The following MECOM variants were observed in gnomAD, a reference collection of about 807,000 sequenced individuals.
MECOM encodes the protein histone-lysine N-methyltransferase MECOM.
In MECOM, 13 loss-of-function variants were observed where a neutral mutation model predicts 116.3. The observed-to-expected ratio is 0.11, with a 90% CI of 0.07 to 0.18. The LOEUF (loss-of-function observed/expected upper bound fraction) is 0.18, where lower values mean the gene tolerates loss of function less well. Among genes scored for constraint, MECOM ranks in the 10% least tolerant of loss-of-function variants. MECOM has a pLI of 1.00. For synonymous variants in MECOM, 528 were observed against 535.2 expected (o/e 0.99, Z 0.19); for missense variants, 1,299 against 1,509.0 (o/e 0.86, Z 2.31).
At chr3:169,557,365 C>T (rs942530595) in intron 1 of MECOM, among the ~76,000 whole-genome samples, 1 of 152,154 alleles carries the variant, frequency 6.6e-6, no homozygotes, top group Non-Finnish European at 1.5e-5. Context: ...CACCACCCCA[C>T]CCTCATAGTT....
chr3:169,632,102 C>T (rs1408552187), intron 1 of MECOM, among the ~76,000 whole-genome samples: 6 of 152,086 alleles, frequency 3.9e-5, no homozygotes, highest in Non-Finnish European at 7.3e-5. Context: ...ACAGATCCAG[C>T]TTGAACTGAG....
intron 1 of MECOM, among the ~76,000 whole-genome samples, chr3:169,412,008 G>A (rs1000970841): frequency 1.3e-5 from 2 of 151,734 alleles, no homozygotes; most frequent in Non-Finnish European, 2.9e-5. Context: ...AAATAAGGCT[G>A]GGCACGGTGG....
At chr3:169,117,885 C>G (rs1037412221) in intron 7 of MECOM, among the ~76,000 whole-genome samples, 1 of 146,954 alleles carries the variant, frequency 6.8e-6, no homozygotes. Context: ...TTTTATTTTA[C>G]TTTACGGGAT....
intron 1 of MECOM, among the ~76,000 whole-genome samples, chr3:169,544,340 C>T (rs1366472767): frequency 2.0e-5 from 3 of 152,154 alleles, no homozygotes; most frequent in African/African-American, 7.2e-5. Context: ...GTCAGACTTT[C>T]ATTTATAGAA....
intron 1 of MECOM, among the ~76,000 whole-genome samples, chr3:169,602,280 G>A (rs969240980): frequency 4.6e-5 from 7 of 152,200 alleles, no homozygotes; most frequent in Non-Finnish European, 1.0e-4. Context: ...CTATTCGTCA[G>A]CTAGCAAATG....
chr3:169,323,164 T>A (rs16853509), intron 2 of MECOM, among the ~76,000 whole-genome samples: 7,855 of 152,150 alleles, frequency 0.052, 689 homozygotes, highest in African/African-American at 0.18. Flanking sequence ...CTCACACATA[T>A]GCTTCACAAC....
chr3:169,160,162 A>G (rs1199551264), intron 2 of MECOM, among the ~76,000 whole-genome samples: 1 of 152,174 alleles, frequency 6.6e-6, no homozygotes, highest in African/African-American at 2.4e-5. Context: ...AGAAACAGAG[A>G]TGGAAACATA....
intron 1 of MECOM, among the ~76,000 whole-genome samples, chr3:169,555,051 G>C (rs1282363140): frequency 6.6e-6 from 1 of 152,186 alleles, no homozygotes; most frequent in Non-Finnish European, 1.5e-5. Context: ...TACCAGAAGA[G>C]GTATGATGAT....
chr3:169,219,332 G>C (rs765582815), intron 2 of MECOM, among the ~76,000 whole-genome samples: 1 of 151,962 alleles, frequency 6.6e-6, no homozygotes, highest in Non-Finnish European at 1.5e-5. Flanking sequence ...TGGTGAAACC[G>C]CGTATCCACT....
chr3:169,154,729 G>A (rs1475379511), intron 2 of MECOM, among the ~76,000 whole-genome samples: 1 of 151,998 alleles, frequency 6.6e-6, no homozygotes, highest in African/African-American at 2.4e-5. Context: ...TCATGAAGAG[G>A]ATATAGGATA....
At chr3:169,598,518 A>AT (rs1433515019) in intron 1 of MECOM, among the ~76,000 whole-genome samples, 2 of 152,212 alleles carry the variant, frequency 1.3e-5, no homozygotes, top group African/African-American at 4.8e-5. Flanking sequence ...TCCAGTAACT[A>AT]TTTTTTGTAG....
chr3:169,108,333 A>G (rs1015512079), intron 9 of MECOM, among the ~76,000 whole-genome samples: 2 of 152,216 alleles, frequency 1.3e-5, no homozygotes, highest in Admixed American at 6.5e-5. Context: ...TTGCATTTGT[A>G]TAATGTTAAT....
At chr3:169,145,579 C>T (rs1464864988) in intron 2 of MECOM, 3 of 224,166 alleles carry the variant, frequency 1.3e-5, no homozygotes, top group Non-Finnish European at 2.7e-5. Context: ...TCCTGACACA[C>T]CAAAGAAATA....
At chr3:169,418,114 A>G (rs1739023599) in intron 1 of MECOM, among the ~76,000 whole-genome samples, 1 of 151,824 alleles carries the variant, frequency 6.6e-6, no homozygotes, top group Non-Finnish European at 1.5e-5. Flanking sequence ...TAATAATAAA[A>G]AAAAACTAAA....
At chr3:169,182,293 T>G (rs1488270237) in intron 2 of MECOM, among the ~76,000 whole-genome samples, 2 of 152,240 alleles carry the variant, frequency 1.3e-5, no homozygotes, top group Non-Finnish European at 2.9e-5. Context: ...CATACTCTTC[T>G]TTGTGGTGTT....
chr3:169,131,616 A>G (rs1011068144), intron 3 of MECOM, 85 bp from the exon 4 acceptor site: 1 of 976,884 alleles, frequency 1.0e-6, no homozygotes, highest in African/African-American at 1.6e-5. Flanking sequence ...ACACTAAGAT[A>G]CCTGTACAAA....
At chr3:169,141,702 T>A (rs556492324) in intron 3 of MECOM, among the ~76,000 whole-genome samples, 1 of 152,044 alleles carries the variant, frequency 6.6e-6, no homozygotes, top group Non-Finnish European at 1.5e-5. Flanking sequence ...GTCTTGTCAA[T>A]TGGGCTAAGA....
intron 2 of MECOM, among the ~76,000 whole-genome samples, chr3:169,144,665 A>G (rs1739194778): frequency 6.6e-6 from 1 of 152,176 alleles, no homozygotes; most frequent in South Asian, 2.1e-4. Flanking sequence ...TTTTAAGATC[A>G]TGTGTACTTA....
intron 7 of MECOM, among the ~76,000 whole-genome samples, chr3:169,119,241 T>A (rs1302578631): frequency 6.6e-6 from 1 of 152,178 alleles, no homozygotes; most frequent in Non-Finnish European, 1.5e-5. Context: ...GAAACAGATA[T>A]CAGCCCTAGG....
Sources: gnomAD v4.1 joint callset for allele counts (sites outside exome capture counted in the v4.1 genomes callset) on GRCh38, gnomAD v4.1.1 for gene constraint, MANE v1.5 for transcripts, NCBI Gene and HGNC (gene_info 2026-07-23, HGNC 2026-07-21) for gene names.